ZFX: variants seen among roughly 807,000 people sequenced by gnomAD.
ZFX encodes zinc finger protein X-linked, also known as zinc finger X-chromosomal protein.
For missense variants in ZFX, 362 were observed against 628.3 expected (o/e 0.58, Z 4.53); for synonymous variants, 196 against 226.8 (o/e 0.86, Z 1.22).
At chrX:24,150,352 G>C (rs1386724871) in intron 1 of ZFX, among the ~76,000 whole-genome samples, 2 of 109,902 alleles carry the variant, frequency 1.8e-5, no homozygotes, top group Non-Finnish European at 3.8e-5. Context: ...CGGCAGCGGC[G>C]CCGGTGACGG....
In ZFX at chrX:24,213,683, T is replaced by TG. The variant is rs1388533801; in HGVS notation, c.*2307_*2308insG. ...TTCTTGGCCCCCATAATGTGTTTTT[T>TG]TTTTTTTTTTTTTTTTAAACTAACT... On this transcript the variant is annotated 3_prime_UTR_variant, in exon 10 of 10. Transcript: ENST00000304543. 2.1e-5 allele frequency: 2 copies of TG among 94,180 alleles called. No individual in the cohort carries two copies. The highest frequency in any genetic ancestry group is 4.5e-5 in the Non-Finnish European group (2 of 44,283). 7.8% of individuals were successfully genotyped at this position (94,180 alleles called of 1,213,427 possible). A position where few individuals can be genotyped will look rare whatever the true frequency, so the allele number is the denominator to read the frequency against.
upstream of ZFX, chrX:24,149,098 T>TA: frequency 9.1e-6 from 1 of 109,562 alleles, no homozygotes; most frequent in Admixed American, 9.6e-5. Flanking sequence ...TCAAAGATTT[T>TA]TTTTTTTTAA....
Position 24,215,170 on chromosome X carries a change from CT to C in ZFX, c.*3798del, listed in dbSNP as rs1370849055. Reference sequence around the variant, plus strand: ...AAACCATACATAGCATGCTGAAAAACTTTTGTAATGGAACACCCAACAAATG... The same window carrying C: ...AAACCATACATAGCATGCTGAAAAACTTTGTAATGGAACACCCAACAAATG... On this transcript the variant is annotated 3_prime_UTR_variant, in exon 10 of 10. Transcript: ENST00000304543. The C allele has an allele frequency of 4.5e-5, 5 of 111,921 alleles. No individual in the cohort carries two copies. Among genetic ancestry groups the C allele is most frequent in the African/African-American group, 1.6e-4 (5 of 30,814 alleles). 9.2% of individuals were successfully genotyped at this position (111,921 alleles called of 1,213,427 possible).
intron 5 of ZFX, among the ~76,000 whole-genome samples, chrX:24,197,876 C>A (rs1937022134): frequency 9.0e-6 from 1 of 111,674 alleles, no homozygotes; most frequent in African/African-American, 3.3e-5. Flanking sequence ...AAGTAAAGGC[C>A]ATGGACCAAC....
intron 4 of ZFX, 27 bp downstream of exon 4, chrX:24,172,827 C>T: frequency 8.6e-7 from 1 of 1,167,368 alleles, no homozygotes; most frequent in South Asian, 2.0e-5. Context: ...TGTTCCACTT[C>T]CCATCTACCA....
chrX:24,185,293 C>CCTCTACTT (rs1174690448), intron 5 of ZFX, among the ~76,000 whole-genome samples: 1 of 111,108 alleles, frequency 9.0e-6, no homozygotes, highest in Non-Finnish European at 1.9e-5. Flanking sequence ...CTCTTACTTC[C>CCTCTACTT]CTCTACTTCA....
At chrX:24,204,580 T>C (rs186736962) in intron 5 of ZFX, among the ~76,000 whole-genome samples, 72 of 112,250 alleles carry the variant, frequency 6.4e-4, no homozygotes, top group Non-Finnish European at 1.1e-3. Context: ...GCCTGAGTCA[T>C]GAGCACATTC....
In ZFX at chrX:24,156,660, C is replaced by CTTTTTTTTTTTTTT. The variant is rs767019753; in HGVS notation, c.-29+3841_-29+3842insTTTTTTTTTTTTTT. Among the ~76,000 whole-genome samples the CTTTTTTTTTTTTTT allele has an allele frequency of 5.1e-4, 43 of 83,538 alleles. 1 individual carries two copies. Among genetic ancestry groups the CTTTTTTTTTTTTTT allele is most frequent in the African/African-American group, 1.7e-3 (33 of 18,869 alleles). 72.5% of individuals were successfully genotyped at this position (83,538 alleles called of 115,157 possible). On this transcript the variant is annotated intron_variant, in intron 3 of 9. Transcript: ENST00000304543. ...TATACTATCCTGATTTAATAATAGCCTTTTTTTTTTTGGAGACGGAGTTTT... is the reference window on the plus strand; with the variant it reads ...TATACTATCCTGATTTAATAATAGCCTTTTTTTTTTTTTTTTTTTTTTTTTGGAGACGGAGTTTT...
rs1418864529 is a variant in ZFX at position 24,213,791 on chromosome X, C to T, written c.*2415C>T. ...TTTTGTGAGAACCTTTAAAATCTCC[C>T]TTAATTTTTATTTTCCCAGAAATAA... On this transcript the variant is annotated 3_prime_UTR_variant, in exon 10 of 10. Coordinates refer to ENST00000304543, the MANE Select transcript of ZFX (RefSeq NM_003410.4). 9.2e-6 allele frequency: 1 copy of T among 108,857 alleles called. No individual in the cohort carries two copies. Among genetic ancestry groups the T allele is most frequent in the Non-Finnish European group, 1.9e-5 (1 of 52,407 alleles). The allele number at this position is 108,857 out of a possible 1,213,427, so 9.0% of individuals were successfully genotyped here.
At position 24,210,867 on chromosome X, in the gene ZFX, C is replaced by T; in HGVS notation, c.1909C>T (p.His637Tyr). 1.7e-6 allele frequency: 2 copies of T among 1,211,356 alleles called. No individual in the cohort carries two copies. The highest frequency in any genetic ancestry group is 2.2e-6 in the Non-Finnish European group (2 of 895,377). Residue 637 changes from histidine (H) to tyrosine (Y), a missense_variant, in exon 10 of 10, where the codon CAT becomes TAT. His to Tyr is a moderately conservative substitution (Grantham distance 83, BLOSUM62 2). Coordinates refer to ENST00000304543, the MANE Select transcript of ZFX (RefSeq NM_003410.4). Reference sequence around the variant, plus strand: ...AGAAAGCAAAACACACCAGTGTTTGCATTGCGACCACAAGAGTTCGAACTC... The same window carrying T: ...AGAAAGCAAAACACACCAGTGTTTGTATTGCGACCACAAGAGTTCGAACTC... ...HQESKTHQCL[H>Y]CDHKSSNSSD...
chrX:24,204,883 G>C (rs889276301), intron 5 of ZFX, among the ~76,000 whole-genome samples: 3 of 111,905 alleles, frequency 2.7e-5, no homozygotes, highest in African/African-American at 9.8e-5. Context: ...TTAGTAAATG[G>C]TAGCTGCATT....
intron 3 of ZFX, among the ~76,000 whole-genome samples, chrX:24,154,529 G>C (rs951326615): frequency 3.6e-5 from 4 of 111,974 alleles, no homozygotes; most frequent in African/African-American, 1.3e-4. Flanking sequence ...GGATCCCTAA[G>C]ATTCTTTCAG....
intron 4 of ZFX, among the ~76,000 whole-genome samples, chrX:24,174,635 C>T (rs1251628623): frequency 9.1e-6 from 1 of 110,477 alleles, no homozygotes; most frequent in Admixed American, 9.7e-5. Flanking sequence ...CCTCGTGATT[C>T]GCCTGCCTCG....
intron 3 of ZFX, among the ~76,000 whole-genome samples, chrX:24,157,844 C>T (rs771685420): frequency 9.0e-6 from 1 of 111,524 alleles, no homozygotes; most frequent in South Asian, 3.8e-4. Context: ...CTGCAACCTC[C>T]GCCTCCCGGG....
intron 3 of ZFX, among the ~76,000 whole-genome samples, chrX:24,156,979 T>C (rs1932831310): frequency 8.9e-6 from 1 of 112,069 alleles, no homozygotes; most frequent in African/African-American, 3.2e-5. Context: ...TAATTAAAAC[T>C]GAGTATATCT....
At chrX:24,182,081 G>A (rs991942318) in intron 5 of ZFX, among the ~76,000 whole-genome samples, 2 of 110,730 alleles carry the variant, frequency 1.8e-5, no homozygotes, top group Non-Finnish European at 3.8e-5. Context: ...ATTCAAGGAT[G>A]ACCCTAAGTG....
chrX:24,172,947 T>C (rs1208599930), intron 4 of ZFX, 147 bp downstream of exon 4: 3 of 485,703 alleles, frequency 6.2e-6, no homozygotes, highest in Non-Finnish European at 9.4e-6. Flanking sequence ...AGCACATTAT[T>C]ATTACCCTCC....
At chrX:24,159,028 G>A (rs1038145349) in intron 3 of ZFX, among the ~76,000 whole-genome samples, 1 of 110,089 alleles carries the variant, frequency 9.1e-6, no homozygotes, top group African/African-American at 3.3e-5. Context: ...TTTGAGATGG[G>A]GTCTTGCTCT....
intron 5 of ZFX, among the ~76,000 whole-genome samples, chrX:24,189,921 T>A (rs770237190): frequency 2.1e-3 from 232 of 112,164 alleles, no homozygotes; most frequent in African/African-American, 7.1e-3. Flanking sequence ...ACCAATTTTT[T>A]AAAAACCATT....
Sources: gnomAD v4.1 joint callset for allele counts (sites outside exome capture counted in the v4.1 genomes callset) on GRCh38, gnomAD v4.1.1 for gene constraint, MANE v1.5 for transcripts, NCBI Gene and HGNC (gene_info 2026-07-23, HGNC 2026-07-21) for gene names.